LYSMD1: variants seen among roughly 807,000 people sequenced by gnomAD.
LYSMD1 encodes LysM domain containing 1.
In LYSMD1, 9 loss-of-function variants were observed where a neutral mutation model predicts 19.3. The observed-to-expected ratio is 0.47, with a 90% CI of 0.28 to 0.81. The LOEUF is 0.81. LYSMD1 is among the 40% of genes least tolerant of loss of function. The pLI, the probability that LYSMD1 is intolerant of heterozygous loss-of-function variation, is 0.11. For missense variants in LYSMD1, 262 were observed against 279.8 expected, an observed-to-expected ratio of 0.94 and a Z score of 0.45; for synonymous variants, 111 against 111.7, an observed-to-expected ratio of 0.99 and a Z score of 0.04.
At chr1:151,152,528 C>T in the LYSMD1 span, among the ~76,000 whole-genome samples, 4 of 151,360 alleles carry the variant, frequency 2.6e-5, no homozygotes, top group Non-Finnish European at 4.4e-5. Flanking sequence ...AGTGAAACCC[C>T]GTCTCTACTA....
chr1:151,163,956 C>T (rs1292337384), intron 1 of LYSMD1, among the ~76,000 whole-genome samples: 2 of 151,266 alleles, frequency 1.3e-5, no homozygotes, highest in Admixed American at 6.6e-5. Flanking sequence ...TGCAGTGGTG[C>T]GATCTCAGCT....
chr1:151,165,548 G>A lies in LYSMD1; in HGVS notation c.-290C>T, dbSNP rs1261027192. On this transcript the variant is annotated 5_prime_UTR_variant, in exon 1 of 3. Transcript: ENST00000368908. ...ACAACTCCTCGCTACATTGACCTCT[G>A]ACCTTTGAACTCTAGAAATAATCCT... The A allele has an allele frequency of 6.9e-7, 1 of 1,459,196 alleles. No homozygotes were observed. Among genetic ancestry groups the A allele is most frequent in the African/African-American group, 1.4e-5 (1 of 70,404 alleles). The allele number at this position is 1,459,196 out of a possible 1,614,324, so 90.4% of individuals were successfully genotyped here.
At chr1:151,163,689 G>A (rs1271616978) in intron 1 of LYSMD1, among the ~76,000 whole-genome samples, 2 of 151,720 alleles carry the variant, frequency 1.3e-5, no homozygotes, top group African/African-American at 4.8e-5. Flanking sequence ...CACCATGCCC[G>A]GCTAATTTTT....
chr1:151,160,051 C>T lies in LYSMD1; in HGVS notation c.*831G>A, dbSNP rs1438268357. 6.6e-6 allele frequency: 1 copy of T among 151,128 alleles called. No individual in the cohort carries two copies. The highest frequency in any genetic ancestry group is 1.9e-4 in the East Asian group (1 of 5,150). 9.4% of individuals were successfully genotyped at this position (151,128 alleles called of 1,614,324 possible). ...CCCACAACTGGCTTCCTCTTCAAAC[C>T]CCAAGGAAAGCCTTCTTCCATCTGT... On this transcript the variant is annotated 3_prime_UTR_variant, in exon 3 of 3. Transcript: ENST00000368908.
rs756493817 is a variant in LYSMD1, at chr1:151,165,265, A to C, written c.-7T>G. The C allele has an allele frequency of 6.2e-7, 1 of 1,609,116 alleles. No homozygotes were observed. On this transcript the variant is annotated 5_prime_UTR_variant, in exon 1 of 3. Transcript: ENST00000368908. ...GTCTAGACGGGGAAGCCATCTCTTC[A>C]CCCTGCCAACAGCTAAGGTTGCAAC...
chr1:151,162,826 T>C (rs1353385011), intron 1 of LYSMD1, among the ~76,000 whole-genome samples: 1 of 152,212 alleles, frequency 6.6e-6, no homozygotes, highest in Non-Finnish European at 1.5e-5. Context: ...AGATTTAAAA[T>C]AGACCCTCAG....
downstream of LYSMD1, among the ~76,000 whole-genome samples, chr1:151,156,445 T>C (rs943579724): frequency 6.6e-6 from 1 of 152,174 alleles, no homozygotes; most frequent in African/African-American, 2.4e-5. Flanking sequence ...AAGAAGCAAT[T>C]TGAGAGTGGA....
chr1:151,158,149 G>A (rs1032154997), downstream of LYSMD1, among the ~76,000 whole-genome samples: 2 of 151,654 alleles, frequency 1.3e-5, no homozygotes, highest in Admixed American at 6.6e-5. Flanking sequence ...ATGGTGAAAC[G>A]CTGTCTCTAC....
In LYSMD1 at chr1:151,165,375, C is replaced by T. The variant is rs1683641504; in HGVS notation, c.-117G>A. 1 of 1,474,704 alleles carries T rather than the reference C, an allele frequency of 6.8e-7. No individual in the cohort carries two copies. Among genetic ancestry groups the T allele is most frequent in the East Asian group, 2.4e-5 (1 of 41,758 alleles). The allele number at this position is 1,474,704 out of a possible 1,614,324, so 91.4% of individuals were successfully genotyped here. ...GGGGATTCCTTTCCCCCTCTCTCTT[C>T]CCCTGTGTCCCCGCCTCCCCAGCAC... On this transcript the variant is annotated 5_prime_UTR_variant, in exon 1 of 3. Coordinates refer to ENST00000368908, the MANE Select transcript of LYSMD1 (RefSeq NM_212551.5).
downstream of LYSMD1, chr1:151,159,297 GA>G (rs1281323647): frequency 8.3e-6 from 13 of 1,560,808 alleles, no homozygotes; most frequent in Non-Finnish European, 1.1e-5. Context: ...ATGGTTGACT[GA>G]GAAAACACAG....
chr1:151,155,386 C>T (rs1403552054), downstream of LYSMD1, among the ~76,000 whole-genome samples: 1 of 152,164 alleles, frequency 6.6e-6, no homozygotes, highest in Non-Finnish European at 1.5e-5. Flanking sequence ...GCTTATTTCC[C>T]TCGCCAGATT....
At chr1:151,164,731 A>C (rs890681124) in intron 1 of LYSMD1, among the ~76,000 whole-genome samples, 1 of 152,194 alleles carries the variant, frequency 6.6e-6, no homozygotes, top group African/African-American at 2.4e-5. Flanking sequence ...TCTGACGCTC[A>C]TTATTTGACC....
the LYSMD1 span, among the ~76,000 whole-genome samples, chr1:151,154,476 G>T: frequency 2.1e-5 from 2 of 95,456 alleles, no homozygotes; most frequent in Non-Finnish European, 3.7e-5. Flanking sequence ...GCAAGACTCT[G>T]TCAAAAAAAA....
downstream of LYSMD1, among the ~76,000 whole-genome samples, chr1:151,155,086 T>C (rs946445712): frequency 1.3e-5 from 2 of 152,214 alleles, no homozygotes; most frequent in African/African-American, 4.8e-5. Flanking sequence ...AAGTTTGCCA[T>C]GATCTGATCT....
At chr1:151,151,134 T>C in the LYSMD1 span, among the ~76,000 whole-genome samples, 11 of 152,240 alleles carry the variant, frequency 7.2e-5, no homozygotes, top group African/African-American at 9.6e-5. Context: ...CCCATTCTCA[T>C]TGGTCAAGAT....
At chr1:151,149,088 A>G in the LYSMD1 span, among the ~76,000 whole-genome samples, 2 of 152,218 alleles carry the variant, frequency 1.3e-5, no homozygotes, top group Non-Finnish European at 1.5e-5. Context: ...ATTTTGAAGG[A>G]CAAATCAAAA....
chr1:151,164,006 G>A (rs1267460594), intron 1 of LYSMD1, among the ~76,000 whole-genome samples: 5 of 151,360 alleles, frequency 3.3e-5, no homozygotes, highest in African/African-American at 4.9e-5. Context: ...CGATTCTCCC[G>A]CCTCAGCCTC....
In LYSMD1 at chr1:151,165,693, G is replaced by T. The variant is rs1683659823; in HGVS notation, c.-435C>A. ...CAGGAACAAATCAGGCCCACCCCAG[G>T]TGAACTGTCGCCGCAGACGAAGAGC... On this transcript the variant is annotated 5_prime_UTR_variant, in exon 1 of 3. Coordinates refer to ENST00000368908, the MANE Select transcript of LYSMD1 (RefSeq NM_212551.5). 6.4e-7 allele frequency: 1 copy of T among 1,551,544 alleles called. No homozygotes were observed. Among genetic ancestry groups the T allele is most frequent in the Non-Finnish European group, 8.7e-7 (1 of 1,146,996 alleles).
At chr1:151,161,591 G>A in intron 2 of LYSMD1, 145 bp downstream of exon 2, 7 of 1,047,504 alleles carry the variant, frequency 6.7e-6, no homozygotes, top group Non-Finnish European at 8.3e-6. Context: ...CATCACCTCT[G>A]CTCATTATCT....
Sources: allele counts gnomAD v4.1 joint callset (sites outside exome capture counted in the v4.1 genomes callset), GRCh38; gene constraint gnomAD v4.1.1; transcripts MANE v1.5; gene names NCBI Gene and HGNC (gene_info 2026-07-23, HGNC 2026-07-21).